Variants in GLIS1 observed in about 807,000 individuals in gnomAD.
GLIS1 encodes the protein zinc finger protein GLIS1.
Under a neutral mutation model 63.8 loss-of-function variants are expected in GLIS1, and 24 were observed. The observed-to-expected ratio is 0.38, with a 90% CI of 0.27 to 0.53. The LOEUF (loss-of-function observed/expected upper bound fraction) is 0.53. Among genes scored for constraint, GLIS1 ranks in the 20% least tolerant of loss-of-function variants. The pLI, the probability that GLIS1 is intolerant of heterozygous loss-of-function variation, is 0.85. For synonymous variants in GLIS1, 450 were observed against 482.5 expected (o/e 0.93, Z 0.88); for missense variants, 1,036 against 1,074.1 (o/e 0.96, Z 0.50).
chr1:53,697,889 C>A (rs1332251451), intron 2 of GLIS1, among the ~76,000 whole-genome samples: 2 of 152,142 alleles, frequency 1.3e-5, no homozygotes, highest in Admixed American at 1.3e-4. Context: ...GGCTCAGAGC[C>A]AGTGGTTCTA....
chr1:53,583,822 G>A (rs1451978804), intron 4 of GLIS1, among the ~76,000 whole-genome samples: 2 of 152,204 alleles, frequency 1.3e-5, no homozygotes, highest in Admixed American at 1.3e-4. Flanking sequence ...ATTTATTGTG[G>A]GGACGGGTGG....
intron 2 of GLIS1, among the ~76,000 whole-genome samples, chr1:53,665,356 A>C (rs868370992): frequency 6.6e-6 from 1 of 152,176 alleles, no homozygotes; most frequent in Middle Eastern, 3.4e-3. Context: ...TGGATGTGTT[A>C]AGTTGGAGAT....
chr1:53,546,905 A>G (rs1323953575), intron 4 of GLIS1, among the ~76,000 whole-genome samples: 5 of 151,592 alleles, frequency 3.3e-5, no homozygotes. Flanking sequence ...CCTGGACTCA[A>G]GCATTGTAAC....
chr1:53,566,791 C>T (rs1644940384), intron 4 of GLIS1, among the ~76,000 whole-genome samples: 1 of 152,204 alleles, frequency 6.6e-6, no homozygotes, highest in South Asian at 2.1e-4. Flanking sequence ...TCCCCTTCAC[C>T]TTCCGCCATG....
intron 2 of GLIS1, among the ~76,000 whole-genome samples, chr1:53,709,409 T>TACACAC (rs1288574790): frequency 0.026 from 242 of 9,170 alleles, 1 homozygote; most frequent in African/African-American, 0.039. Flanking sequence ...TACATATATA[T>TACACAC]ATACACACAC....
intron 2 of GLIS1, among the ~76,000 whole-genome samples, chr1:53,658,858 A>G (rs1425687906): frequency 2.0e-5 from 3 of 152,156 alleles, no homozygotes; most frequent in African/African-American, 2.4e-5. Flanking sequence ...GGCCCCACCC[A>G]GAGTAGGCAC....
At chr1:53,647,072 C>A (rs1645854853) in intron 2 of GLIS1, among the ~76,000 whole-genome samples, 1 of 152,116 alleles carries the variant, frequency 6.6e-6, no homozygotes, top group African/African-American at 2.4e-5. Flanking sequence ...AAGCCATATT[C>A]ATGGGTCAGA....
intron 2 of GLIS1, among the ~76,000 whole-genome samples, chr1:53,669,277 C>A (rs1029262772): frequency 9.2e-5 from 14 of 152,214 alleles, no homozygotes; most frequent in African/African-American, 2.4e-4. Flanking sequence ...GCCATGGGGG[C>A]TACAGTGGGG....
intron 7 of GLIS1, among the ~76,000 whole-genome samples, chr1:53,518,191 T>A (rs1327547179): frequency 6.6e-6 from 1 of 152,060 alleles, no homozygotes; most frequent in Non-Finnish European, 1.5e-5. Context: ...TGGAAGCAGC[T>A]CGAGGACAGG....
At chr1:53,547,927 T>G (rs1289591539) in intron 4 of GLIS1, among the ~76,000 whole-genome samples, 2 of 152,236 alleles carry the variant, frequency 1.3e-5, no homozygotes, top group Non-Finnish European at 2.9e-5. Flanking sequence ...CAGGGAGGAC[T>G]TGGTTTTTTC....
chr1:53,662,890 CA>C (rs1646044487), intron 2 of GLIS1, among the ~76,000 whole-genome samples: 1 of 152,216 alleles, frequency 6.6e-6, no homozygotes, highest in Non-Finnish European at 1.5e-5. Context: ...CGCTATAAAG[CA>C]AACACTGTAC....
At chr1:53,523,844 C>T (rs972531750) in intron 6 of GLIS1, among the ~76,000 whole-genome samples, 1 of 152,188 alleles carries the variant, frequency 6.6e-6, no homozygotes, top group Non-Finnish European at 1.5e-5. Flanking sequence ...TAAGACCTCT[C>T]GATGGCACCC....
chr1:53,690,495 C>G (rs963039586), intron 2 of GLIS1, among the ~76,000 whole-genome samples: 2 of 152,248 alleles, frequency 1.3e-5, no homozygotes, highest in Non-Finnish European at 2.9e-5. Context: ...GGAGAAAGGA[C>G]ACTTTAACCA....
intron 2 of GLIS1, among the ~76,000 whole-genome samples, chr1:53,671,465 C>T (rs556912110): frequency 1.4e-4 from 21 of 152,336 alleles, no homozygotes; most frequent in African/African-American, 5.1e-4. Context: ...GTGCCCAAGG[C>T]AGATGGCTGG....
chr1:53,641,480 C>T (rs754476353), intron 2 of GLIS1, among the ~76,000 whole-genome samples: 4 of 152,148 alleles, frequency 2.6e-5, no homozygotes, highest in Non-Finnish European at 5.9e-5. Flanking sequence ...CTGAGAAGAG[C>T]CTCAGGTGCA....
At chr1:53,674,449 A>G (rs542010214) in intron 2 of GLIS1, among the ~76,000 whole-genome samples, 10 of 152,348 alleles carry the variant, frequency 6.6e-5, no homozygotes, top group African/African-American at 2.4e-4. Flanking sequence ...TGTTTTTAAA[A>G]TCACAGGTCT....
At chr1:53,555,100 C>T (rs574144485) in intron 4 of GLIS1, among the ~76,000 whole-genome samples, 4 of 152,318 alleles carry the variant, frequency 2.6e-5, no homozygotes, top group Admixed American at 6.5e-5. Context: ...GATCTAAAGA[C>T]GGGTAACCCA....
At chr1:53,700,862 G>A (rs961986231) in intron 2 of GLIS1, among the ~76,000 whole-genome samples, 1 of 152,184 alleles carries the variant, frequency 6.6e-6, no homozygotes, top group African/African-American at 2.4e-5. Context: ...CATGTTAATG[G>A]ATTCACATAA....
At chr1:53,588,550 C>T (rs1645158892) in intron 4 of GLIS1, among the ~76,000 whole-genome samples, 1 of 152,232 alleles carries the variant, frequency 6.6e-6, no homozygotes, top group African/African-American at 2.4e-5. Flanking sequence ...AACTGGCCGA[C>T]CTGCCACTCA....
Sources: gnomAD v4.1 joint callset for allele counts (sites outside exome capture counted in the v4.1 genomes callset) on GRCh38, gnomAD v4.1.1 for gene constraint, MANE v1.5 for transcripts, NCBI Gene and HGNC (gene_info 2026-07-23, HGNC 2026-07-21) for gene names.